Variants in C1GALT1 observed in about 807,000 individuals in gnomAD.
C1GALT1 encodes the protein glycoprotein-N-acetylgalactosamine 3-beta-galactosyltransferase 1.
In C1GALT1, 11 loss-of-function variants were observed where a neutral mutation model predicts 31.0. That is an observed-to-expected ratio of 0.36 (90% confidence interval 0.22 to 0.59). The LOEUF (loss-of-function observed/expected upper bound fraction) is 0.59, where lower values mean the gene tolerates loss of function less well. C1GALT1 is among the 20% of genes least tolerant of loss of function. C1GALT1 has a pLI of 0.79. For missense variants in C1GALT1, 424 were observed against 425.2 expected (o/e 1.00, Z 0.03); for synonymous variants, 175 against 143.6 (o/e 1.22, Z -1.56).
rs999127045 is a variant in C1GALT1, at chr7:7,210,187, TG to T, written c.-17-24114del. Among the ~76,000 whole-genome samples, 37 of 152,250 alleles carry T rather than the reference TG, an allele frequency of 2.4e-4. 1 individual carries two copies. The Middle Eastern group carries it at 0.01, about 42-fold the overall frequency. On this transcript the variant is annotated intron_variant, in intron 1 of 3. Transcript: ENST00000436587. ...GGTTGCAAAAAATATTTGTGACTCT[TG>T]GAACAGTAACAAAAAGTTGTTCTGA...
At chr7:7,187,270 G>A (rs1365904227) in intron 1 of C1GALT1, among the ~76,000 whole-genome samples, 2 of 148,476 alleles carry the variant, frequency 1.3e-5, no homozygotes, top group African/African-American at 5.0e-5. Flanking sequence ...TTTTTTTTGA[G>A]ACGGAGTCTC....
chr7:7,187,083 AG>A (rs749440949), intron 1 of C1GALT1, among the ~76,000 whole-genome samples: 1 of 152,184 alleles, frequency 6.6e-6, no homozygotes, highest in Non-Finnish European at 1.5e-5. Flanking sequence ...AAAGACAGAG[AG>A]GTTGCTCAGA....
chr7:7,236,131 A>G (rs900226666), intron 2 of C1GALT1, among the ~76,000 whole-genome samples: 2 of 152,146 alleles, frequency 1.3e-5, no homozygotes, highest in African/African-American at 2.4e-5. Flanking sequence ...TCATACCTCT[A>G]TAATAACATC....
chr7:7,241,527 G>A (rs1431684153), intron 3 of C1GALT1, among the ~76,000 whole-genome samples: 1 of 151,912 alleles, frequency 6.6e-6, no homozygotes, highest in Non-Finnish European at 1.5e-5. Flanking sequence ...CATTAATTTA[G>A]GGACAATAAC....
chr7:7,166,718 C>T (rs532271960), intron 2 of C1GALT1, among the ~76,000 whole-genome samples: 10 of 152,292 alleles, frequency 6.6e-5, no homozygotes, highest in Admixed American at 5.9e-4. Context: ...ATCTCTAAGA[C>T]TACATTTTTT....
At chr7:7,226,060 A>G (rs1325132056) in intron 1 of C1GALT1, among the ~76,000 whole-genome samples, 1 of 152,176 alleles carries the variant, frequency 6.6e-6, no homozygotes, top group Non-Finnish European at 1.5e-5. Flanking sequence ...CTGTAATATG[A>G]AAGGGATACT....
chr7:7,166,332 T>A (rs1780392057), intron 2 of C1GALT1, among the ~76,000 whole-genome samples: 1 of 152,152 alleles, frequency 6.6e-6, no homozygotes, highest in African/African-American at 2.4e-5. Context: ...TAAAAAGTAA[T>A]AAACTATTGA....
At chr7:7,234,782 T>C in intron 2 of C1GALT1, 1 of 325,702 alleles carries the variant, frequency 3.1e-6, no homozygotes. Context: ...AGGGCATAAC[T>C]ATTCAGATTT....
chr7:7,225,802 TA>T (rs1306172087), intron 1 of C1GALT1, among the ~76,000 whole-genome samples: 2 of 152,200 alleles, frequency 1.3e-5, no homozygotes, highest in African/African-American at 4.8e-5. Context: ...TCAAGATTTA[TA>T]AATAGAGCAA....
intron 1 of C1GALT1, among the ~76,000 whole-genome samples, chr7:7,184,144 CT>C (rs1780715084): frequency 6.6e-6 from 1 of 152,198 alleles, no homozygotes; most frequent in Non-Finnish European, 1.5e-5. Context: ...GTACACTATA[CT>C]TTCTACCAGT....
At chr7:7,186,497 A>G (rs1399891719) in intron 1 of C1GALT1, among the ~76,000 whole-genome samples, 1 of 152,192 alleles carries the variant, frequency 6.6e-6, no homozygotes, top group Non-Finnish European at 1.5e-5. Context: ...CCATCCCAGA[A>G]CTCTTTATTT....
chr7:7,202,878 T>A (rs1781579111), intron 1 of C1GALT1, among the ~76,000 whole-genome samples: 1 of 152,138 alleles, frequency 6.6e-6, no homozygotes, highest in Non-Finnish European at 1.5e-5. Flanking sequence ...TTCTAATTAT[T>A]TATGTATTCT....
At chr7:7,227,313 T>C (rs1278697860) in intron 1 of C1GALT1, among the ~76,000 whole-genome samples, 1 of 152,198 alleles carries the variant, frequency 6.6e-6, no homozygotes, top group Non-Finnish European at 1.5e-5. Context: ...TAACAAGGCC[T>C]TTAAGGAAGT....
At chr7:7,222,159 C>T (rs933889854) in intron 1 of C1GALT1, among the ~76,000 whole-genome samples, 5 of 152,280 alleles carry the variant, frequency 3.3e-5, no homozygotes, top group African/African-American at 1.2e-4. Flanking sequence ...CCCAACTTAA[C>T]GATAACTACT....
chr7:7,224,074 T>C (rs1192569004), intron 1 of C1GALT1, among the ~76,000 whole-genome samples: 1 of 152,220 alleles, frequency 6.6e-6, no homozygotes, highest in Non-Finnish European at 1.5e-5. Context: ...TTTTAAATGT[T>C]GAACCATCCT....
At chr7:7,170,149 TA>T (rs1252953815) in intron 2 of C1GALT1, among the ~76,000 whole-genome samples, 1 of 152,266 alleles carries the variant, frequency 6.6e-6, no homozygotes, top group Non-Finnish European at 1.5e-5. Context: ...ATTCTCATTT[TA>T]AATTTTAATC....
At chr7:7,170,257 T>C (rs1780439571) in intron 2 of C1GALT1, among the ~76,000 whole-genome samples, 1 of 152,202 alleles carries the variant, frequency 6.6e-6, no homozygotes. Context: ...ACTGATTCTC[T>C]CTATTGTTTA....
At chr7:7,215,537 A>G (rs2128240319) in intron 1 of C1GALT1, among the ~76,000 whole-genome samples, 1 of 152,274 alleles carries the variant, frequency 6.6e-6, no homozygotes, top group East Asian at 1.9e-4. Flanking sequence ...TTCAGGTTGG[A>G]AGAACATTAT....
At chr7:7,219,277 T>C (rs910358527) in intron 1 of C1GALT1, among the ~76,000 whole-genome samples, 3 of 152,268 alleles carry the variant, frequency 2.0e-5, no homozygotes, top group African/African-American at 7.2e-5. Flanking sequence ...ATATGTATCA[T>C]TGTACATTTG....
Sources: allele counts gnomAD v4.1 joint callset (sites outside exome capture counted in the v4.1 genomes callset), GRCh38; gene constraint gnomAD v4.1.1; transcripts MANE v1.5; gene names NCBI Gene and HGNC (gene_info 2026-07-23, HGNC 2026-07-21).